Variants in SLC9A9 observed in about 807,000 individuals in gnomAD.
The protein encoded by SLC9A9 is solute carrier family 9 member A9.
SLC9A9 carries 62 observed loss-of-function variants against 77.8 expected under a neutral mutation model. The ratio of observed to expected loss-of-function variants is 0.80; its 90% CI spans 0.65 to 0.98. The LOEUF (loss-of-function observed/expected upper bound fraction) is 0.98, where lower values mean the gene tolerates loss of function less well. Ranked by LOEUF, SLC9A9 falls within the 50% of genes least tolerant of loss-of-function variation. The pLI is 0.00. For synonymous variants in SLC9A9, 320 were observed against 283.5 expected (o/e 1.13, Z -1.29); for missense variants, 775 against 774.9 (o/e 1.00, Z 0.00).
At chr3:143,719,283 G>A (rs1934433391) in intron 4 of SLC9A9, among the ~76,000 whole-genome samples, 1 of 152,166 alleles carries the variant, frequency 6.6e-6, no homozygotes, top group African/African-American at 2.4e-5. Context: ...CATTTCTACT[G>A]GGAAACATGT....
At chr3:143,509,347 T>G (rs1363356471) in intron 9 of SLC9A9, among the ~76,000 whole-genome samples, 1 of 152,208 alleles carries the variant, frequency 6.6e-6, no homozygotes, top group Non-Finnish European at 1.5e-5. Flanking sequence ...TTGTAATGGA[T>G]AGTTAAAATA....
chr3:143,356,046 C>T (rs569022611), intron 14 of SLC9A9, among the ~76,000 whole-genome samples: 1 of 152,044 alleles, frequency 6.6e-6, no homozygotes, highest in South Asian at 2.1e-4. Context: ...ATGTAGAATC[C>T]CAGGATCATT....
chr3:143,463,711 C>T (rs1410773909), intron 12 of SLC9A9, among the ~76,000 whole-genome samples: 2 of 152,106 alleles, frequency 1.3e-5, no homozygotes, highest in African/African-American at 4.8e-5. Flanking sequence ...AAGCAAAGGT[C>T]TGATTTATTT....
chr3:143,392,512 A>C (rs2033597881), intron 12 of SLC9A9, among the ~76,000 whole-genome samples: 2 of 151,896 alleles, frequency 1.3e-5, no homozygotes, highest in Non-Finnish European at 2.9e-5. Context: ...AATTGTAAAG[A>C]CCATCGAGGC....
chr3:143,406,367 T>C (rs758527237), intron 12 of SLC9A9, among the ~76,000 whole-genome samples: 4 of 152,182 alleles, frequency 2.6e-5, no homozygotes, highest in Non-Finnish European at 4.4e-5. Context: ...TCACTAAGAT[T>C]TTATTTTTCC....
intron 14 of SLC9A9, among the ~76,000 whole-genome samples, chr3:143,269,785 A>T (rs929725656): frequency 6.6e-6 from 1 of 152,222 alleles, no homozygotes; most frequent in Non-Finnish European, 1.5e-5. Flanking sequence ...TCACTTCATC[A>T]ACTTTCCAAA....
intron 4 of SLC9A9, among the ~76,000 whole-genome samples, chr3:143,743,236 T>C (rs1935118420): frequency 1.5e-5 from 2 of 136,414 alleles, no homozygotes; most frequent in Admixed American, 7.5e-5. Flanking sequence ...GATGGATGGA[T>C]GGATGGATAG....
chr3:143,747,824 G>A (rs959262714), intron 4 of SLC9A9, among the ~76,000 whole-genome samples: 11 of 152,196 alleles, frequency 7.2e-5, no homozygotes, highest in African/African-American at 2.7e-4. Context: ...ATTTGTTACA[G>A]CAGCTATAAG....
At chr3:143,430,020 T>C (rs1232228168) in intron 12 of SLC9A9, among the ~76,000 whole-genome samples, 1 of 152,210 alleles carries the variant, frequency 6.6e-6, no homozygotes, top group African/African-American at 2.4e-5. Context: ...TCTGGTGCCC[T>C]GCCCATTCCA....
At chr3:143,480,285 G>T (rs2035552151) in intron 11 of SLC9A9, among the ~76,000 whole-genome samples, 1 of 152,174 alleles carries the variant, frequency 6.6e-6, no homozygotes, top group South Asian at 2.1e-4. Flanking sequence ...ATAATGCTTG[G>T]ACTTAATAAT....
At chr3:143,345,040 T>G (rs2108467911) in intron 14 of SLC9A9, among the ~76,000 whole-genome samples, 1 of 152,300 alleles carries the variant, frequency 6.6e-6, no homozygotes, top group East Asian at 1.9e-4. Context: ...TTTGCTTGCA[T>G]AACAGAATGA....
At chr3:143,647,676 A>G (rs2038727478) in intron 6 of SLC9A9, among the ~76,000 whole-genome samples, 1 of 152,064 alleles carries the variant, frequency 6.6e-6, no homozygotes, top group Non-Finnish European at 1.5e-5. Context: ...TGACTTAGCA[A>G]CTCCACATAG....
intron 14 of SLC9A9, among the ~76,000 whole-genome samples, chr3:143,276,825 A>G (rs1181399667): frequency 6.7e-6 from 1 of 149,582 alleles, no homozygotes; most frequent in Non-Finnish European, 1.5e-5. Context: ...TTATTTGCAT[A>G]CAATTTCACA....
intron 6 of SLC9A9, among the ~76,000 whole-genome samples, chr3:143,649,818 T>C (rs764656061): frequency 3.9e-5 from 6 of 152,122 alleles, no homozygotes; most frequent in Non-Finnish European, 5.9e-5. Context: ...AACTTTTTTT[T>C]CCATAACACA....
intron 4 of SLC9A9, among the ~76,000 whole-genome samples, chr3:143,788,753 T>A (rs2008132820): frequency 6.7e-6 from 1 of 148,720 alleles, no homozygotes; most frequent in East Asian, 2.0e-4. Flanking sequence ...CATAAGCATG[T>A]ATGAAGTAAA....
intron 13 of SLC9A9, chr3:143,381,478 T>C (rs1432959894): frequency 6.5e-6 from 1 of 154,186 alleles, no homozygotes; most frequent in African/African-American, 2.4e-5. Flanking sequence ...CCTGTATAAA[T>C]TACCCAGTCT....
In SLC9A9 at chr3:143,265,801, T is replaced by C. The variant is rs752326778; in HGVS notation, c.*901A>G. On this transcript the variant is annotated 3_prime_UTR_variant, in exon 16 of 16. Transcript: ENST00000316549. ...TGCTCATCAGCTGTGAATGCTGGAA[T>C]TGGAGGACAGGTTGGGGCTCCTGCA... is the stretch of plus-strand genomic sequence containing the variant. 5.3e-6 allele frequency: 3 copies of C among 561,768 alleles called. No homozygotes were observed. The highest frequency in any genetic ancestry group is 2.4e-5 in the South Asian group (1 of 41,028). The allele number at this position is 561,768 out of a possible 1,614,324, so 34.8% of individuals were successfully genotyped here.
At chr3:143,644,394 G>T (rs749736760) in intron 6 of SLC9A9, among the ~76,000 whole-genome samples, 9 of 152,206 alleles carry the variant, frequency 5.9e-5, no homozygotes, top group Non-Finnish European at 1.2e-4. Context: ...TTCTGGAGAC[G>T]CTGCCAGTGA....
Position 143,795,055 on chromosome 3 carries a change from C to G in SLC9A9, c.479G>C (p.Gly160Ala), listed in dbSNP as rs780583095. Residue 160 changes from glycine to alanine, a missense_variant, in exon 4 of 16, where the codon GGA (glycine) becomes GCA (alanine). By Grantham distance (60) the Gly-to-Ala change is moderately conservative. Transcript: ENST00000316549. Reference sequence around the variant, plus strand: ...CAAGAAGGCATACGTTAAAATAGATCCTAAGTTTTGAAAAAAGTGTCTCTG... The same window carrying G: ...CAAGAAGGCATACGTTAAAATAGATGCTAAGTTTTGAAAAAAGTGTCTCTG... ...LKKRHFFQNL[G>A]SILTYAFLGT... 7 of 1,613,436 alleles carry G rather than the reference C, an allele frequency of 4.3e-6. No homozygotes were observed. In the South Asian group the frequency reaches 5.5e-5, roughly 13 times the overall value.
Sources: allele counts gnomAD v4.1 joint callset (sites outside exome capture counted in the v4.1 genomes callset), GRCh38; gene constraint gnomAD v4.1.1; transcripts MANE v1.5; gene names NCBI Gene and HGNC (gene_info 2026-07-23, HGNC 2026-07-21).